The following DMRT1 variants were observed in gnomAD, a reference collection of about 807,000 sequenced individuals.
DMRT1 encodes doublesex- and mab-3-related transcription factor 1.
In DMRT1, 7 loss-of-function variants were observed where a neutral mutation model predicts 32.3. The ratio of observed to expected loss-of-function variants is 0.22; its 90% confidence interval spans 0.12 to 0.41. The LOEUF (loss-of-function observed/expected upper bound fraction) is 0.41, where lower values mean the gene tolerates loss of function less well. DMRT1 is among the 10% of genes least tolerant of loss of function. DMRT1 has a pLI of 1.00. For synonymous variants in DMRT1, 278 were observed against 206.1 expected (o/e 1.35, Z -2.99); for missense variants, 625 against 500.5 (o/e 1.25, Z -2.37).
chr9:890,111 C>T (rs1207634932), intron 2 of DMRT1, among the ~76,000 whole-genome samples: 18 of 124,826 alleles, frequency 1.4e-4, no homozygotes, highest in African/African-American at 3.4e-4. Flanking sequence ...TTTTTTGAGC[C>T]GGAGTCTTGC....
chr9:841,822 C>G lies in DMRT1; in HGVS notation c.-17C>G, dbSNP rs1409137775. 1 of 1,603,136 alleles carries G rather than the reference C, an allele frequency of 6.2e-7. No individual in the cohort carries two copies. Among genetic ancestry groups the G allele is most frequent in the Non-Finnish European group, 8.5e-7 (1 of 1,175,480 alleles). ...GAGAGAGGGGGCCAGAGTGCTCGCACTTCTCCTAGGGGCACCATGCCCAAC... is the reference window on the plus strand; with the variant it reads ...GAGAGAGGGGGCCAGAGTGCTCGCAGTTCTCCTAGGGGCACCATGCCCAAC... On this transcript the variant is annotated 5_prime_UTR_variant, in exon 1 of 5. Coordinates refer to ENST00000382276, the MANE Select transcript of DMRT1 (RefSeq NM_021951.3).
At chr9:871,262 G>C (rs985102828) in intron 2 of DMRT1, among the ~76,000 whole-genome samples, 3 of 151,404 alleles carry the variant, frequency 2.0e-5, no homozygotes, top group Admixed American at 1.3e-4. Context: ...TATTGAGCTC[G>C]AGCAATTCTC....
At chr9:926,515 G>T (rs1397859699) in intron 4 of DMRT1, among the ~76,000 whole-genome samples, 1 of 152,176 alleles carries the variant, frequency 6.6e-6, no homozygotes, top group East Asian at 1.9e-4. Flanking sequence ...GTTTTCCTCA[G>T]ATAATTTTTG....
chr9:883,789 T>TAAAA (rs377354456), intron 2 of DMRT1, among the ~76,000 whole-genome samples: 1 of 137,876 alleles, frequency 7.3e-6, no homozygotes, highest in East Asian at 2.1e-4. Flanking sequence ...ACCTGTTTCT[T>TAAAA]AAAAAAAAAA....
Position 902,344 on chromosome 9 carries a change from T to G in DMRT1, c.822+8149T>G, listed in dbSNP as rs566038309. On this transcript the variant is annotated intron_variant, in intron 3 of 4. Coordinates refer to ENST00000382276, the MANE Select transcript of DMRT1 (RefSeq NM_021951.3). ...TCCTACACCCCCTCCTCCTCCACCT[T>G]TCTTTTTTAAGACTGCTGCAGTACT... Among the ~76,000 whole-genome samples the G allele has an allele frequency of 2.4e-3, 364 of 151,952 alleles. 2 individuals carry two copies. The highest frequency in any genetic ancestry group is 8.7e-3 in the African/African-American group (359 of 41,466).
rs7862578 is a variant in DMRT1, at chr9:904,370, A to G, written c.822+10175A>G. 3.7e-3 allele frequency among the ~76,000 whole-genome samples: 569 copies of G among 152,318 alleles called. 5 individuals carry two copies. The highest frequency in any genetic ancestry group is 0.013 in the African/African-American group (522 of 41,560). On this transcript the variant is annotated intron_variant, in intron 3 of 4. Transcript: ENST00000382276. ...TGATTCTCAGATTTCTTAGGAGTCT[A>G]TATTTCTGTGGTCTCTTAAGTGTTC... is the stretch of plus-strand genomic sequence containing the variant.
At chr9:901,828 C>A (rs1034784476) in intron 3 of DMRT1, among the ~76,000 whole-genome samples, 1 of 151,364 alleles carries the variant, frequency 6.6e-6, no homozygotes, top group Admixed American at 6.6e-5. Flanking sequence ...CCTTCACAGT[C>A]TTGTTATCCA....
chr9:900,196 C>T (rs1817519150), intron 3 of DMRT1, among the ~76,000 whole-genome samples: 1 of 127,054 alleles, frequency 7.9e-6, no homozygotes, highest in East Asian at 2.4e-4. Flanking sequence ...GTTCTGGCAT[C>T]TGGAGCTTGA....
intron 4 of DMRT1, among the ~76,000 whole-genome samples, chr9:944,581 T>A (rs190076146): frequency 2.6e-5 from 4 of 152,316 alleles, no homozygotes; most frequent in African/African-American, 7.2e-5. Flanking sequence ...AAGAAACGGA[T>A]CTTTAATGGT....
chr9:847,110 C>T lies in DMRT1; in HGVS notation c.505C>T (p.Pro169Ser). ...MTECSGTSQP[P>S]PASVPTTAAS... The stretch of plus-strand genomic sequence containing the variant: ...TGAGTGCAGTGGCACCTCTCAGCCA[C>T]CGCCGGCCAGTGTCCCCACCACTGC... Residue 169 changes from proline (P) to serine (S), a missense_variant, in exon 2 of 5, where the codon CCG becomes TCG. Pro to Ser is a moderately conservative substitution (Grantham distance 74). Transcript: ENST00000382276. The T allele has an allele frequency of 6.2e-7, 1 of 1,613,478 alleles. No individual in the cohort carries two copies. Among genetic ancestry groups the T allele is most frequent in the Non-Finnish European group, 8.5e-7 (1 of 1,180,042 alleles).
chr9:883,789 TAAA>T (rs377354456), intron 2 of DMRT1, among the ~76,000 whole-genome samples: 2 of 137,890 alleles, frequency 1.5e-5, no homozygotes, highest in Non-Finnish European at 1.6e-5. Flanking sequence ...ACCTGTTTCT[TAAA>T]AAAAAAAAAA....
intron 2 of DMRT1, among the ~76,000 whole-genome samples, chr9:886,419 C>A (rs958920391): frequency 6.6e-6 from 1 of 152,116 alleles, no homozygotes; most frequent in Admixed American, 6.6e-5. Context: ...GATACACGCC[C>A]GGCTAGTTTT....
rs76325440 is a variant in DMRT1, at chr9:867,837, C to A, written c.538+20694C>A. Among the ~76,000 whole-genome samples, 141 of 152,250 alleles carry A rather than the reference C, an allele frequency of 9.3e-4. 1 individual carries two copies. The East Asian group carries it at 0.025, about 27-fold the overall frequency. On this transcript the variant is annotated intron_variant, in intron 2 of 4. Coordinates refer to ENST00000382276, the MANE Select transcript of DMRT1 (RefSeq NM_021951.3). ...CTTTGCTTTCTTTTTCTCTTATTTT[C>A]CTTTCTTGAGATATATTTTCTCTGT...
intron 3 of DMRT1, among the ~76,000 whole-genome samples, chr9:914,679 AG>A (rs1173232328): frequency 1.3e-5 from 2 of 152,046 alleles, no homozygotes; most frequent in Non-Finnish European, 2.9e-5. Flanking sequence ...AAAACAAACT[AG>A]AAAGGATAAA....
chr9:901,748 C>A (rs984057999), intron 3 of DMRT1, among the ~76,000 whole-genome samples: 1 of 151,774 alleles, frequency 6.6e-6, no homozygotes, highest in African/African-American at 2.4e-5. Flanking sequence ...CTGGGAAGTT[C>A]TGGATGGAGA....
intron 2 of DMRT1, among the ~76,000 whole-genome samples, chr9:856,930 T>G (rs985362211): frequency 4.6e-5 from 7 of 152,248 alleles, no homozygotes; most frequent in African/African-American, 1.7e-4. Flanking sequence ...CCTAGCAAGC[T>G]ACAGGTAATT....
intron 4 of DMRT1, among the ~76,000 whole-genome samples, chr9:928,691 T>A (rs1386878640): frequency 2.6e-5 from 4 of 152,168 alleles, no homozygotes; most frequent in Non-Finnish European, 4.4e-5. Flanking sequence ...ACATGTACAA[T>A]CACTTTATTA....
At chr9:896,717 G>A (rs1817381486) in intron 3 of DMRT1, among the ~76,000 whole-genome samples, 1 of 151,848 alleles carries the variant, frequency 6.6e-6, no homozygotes, top group Non-Finnish European at 1.5e-5. Flanking sequence ...GAAGGCTGAG[G>A]CAGAAGAATC....
At chr9:891,572 T>C (rs1240881662) in intron 2 of DMRT1, among the ~76,000 whole-genome samples, 1 of 150,442 alleles carries the variant, frequency 6.6e-6, no homozygotes, top group Non-Finnish European at 1.5e-5. Flanking sequence ...TGGAGTGCAG[T>C]GGCCCAATAT....
Sources: allele counts gnomAD v4.1 joint callset (sites outside exome capture counted in the v4.1 genomes callset), GRCh38; gene constraint gnomAD v4.1.1; transcripts MANE v1.5; gene names NCBI Gene and HGNC (gene_info 2026-07-23, HGNC 2026-07-21).